The following REELD1 variants were observed in gnomAD, a reference collection of about 807,000 sequenced individuals.
The protein encoded by REELD1 is reeler domain containing 1.
REELD1 carries 12 observed loss-of-function variants against 6.3 expected under a neutral mutation model. The observed-to-expected ratio is 1.89, with a 90% CI of 1.21 to 3.07. The LOEUF is 3.07. Ranked by LOEUF, REELD1 falls within the 30% of genes most tolerant of loss-of-function variation. The probability of loss-of-function intolerance (pLI) is 0.00; values close to 1 mark genes in which losing one functional copy is unlikely to be tolerated. For missense variants in REELD1, 163 were observed against 86.8 expected (o/e 1.88, Z -3.49); for synonymous variants, 57 against 33.6 (o/e 1.70, Z -2.42).
In REELD1 at chr4:146,230,581, A is replaced by T. The variant is rs1271472246; in HGVS notation, c.*68A>T. On this transcript the variant is annotated 3_prime_UTR_variant, in exon 8 of 8. Coordinates refer to ENST00000623665, the MANE Select transcript of REELD1 (RefSeq NM_001354631.1). ...CTGGAGAGTGTCCCAGACAGAGCAGAGATAATGAGAATAACTGATGAAGAC... is the reference window on the plus strand; with the variant it reads ...CTGGAGAGTGTCCCAGACAGAGCAGTGATAATGAGAATAACTGATGAAGAC... 1 of 397,844 alleles carries T rather than the reference A, an allele frequency of 2.5e-6. No homozygotes were observed. The highest frequency in any genetic ancestry group is 4.4e-6 in the Non-Finnish European group (1 of 226,042). The allele number at this position is 397,844 out of a possible 1,614,324, so 24.6% of individuals were successfully genotyped here.
At chr4:146,216,712 A>G (rs1730832470) in intron 2 of REELD1, among the ~76,000 whole-genome samples, 1 of 152,248 alleles carries the variant, frequency 6.6e-6, no homozygotes, top group South Asian at 2.1e-4. Context: ...TCTTATGAGA[A>G]AATTACAAGA....
chr4:146,226,306 C>T (rs959172745), intron 5 of REELD1, among the ~76,000 whole-genome samples: 43 of 152,164 alleles, frequency 2.8e-4, no homozygotes, highest in African/African-American at 9.9e-4. Flanking sequence ...CAGTTCTCTG[C>T]GTCTTTCAAG....
Position 146,224,578 on chromosome 4 carries a change from A to T in REELD1, c.565A>T (p.Arg189Trp). The change falls in exon 5 of 8, where the codon AGG becomes TGG. Residue 189 changes from arginine (R) to tryptophan (W), a missense_variant. Physicochemically the swap from Arg to Trp is moderately radical, Grantham distance 101. Coordinates refer to ENST00000623665, the MANE Select transcript of REELD1 (RefSeq NM_001354631.1). ...ATTGCTGATGCCAAACCTTCACCAG[A>T]GGCTGGGCGATGTTGAAGGAGCTGC... ...PRLLMPNLHQ[R>W]LGDVEGAAPA... 1.4e-6 allele frequency: 1 copy of T among 702,252 alleles called. No homozygotes were observed. Among genetic ancestry groups the T allele is most frequent in the Non-Finnish European group, 2.6e-6 (1 of 384,956 alleles). 43.5% of individuals were successfully genotyped at this position (702,252 alleles called of 1,614,324 possible).
chr4:146,222,118 A>G (rs1244474726), intron 3 of REELD1, among the ~76,000 whole-genome samples: 1 of 152,050 alleles, frequency 6.6e-6, no homozygotes, highest in Non-Finnish European at 1.5e-5. Context: ...GTATTTCTAA[A>G]TCCAATATTT....
chr4:146,219,959 T>C (rs1005578735), intron 3 of REELD1, among the ~76,000 whole-genome samples: 1 of 152,278 alleles, frequency 6.6e-6, no homozygotes, highest in African/African-American at 2.4e-5. Context: ...TGTTTGTTTT[T>C]TTAAGACAGA....
intron 3 of REELD1, 62 bp downstream of exon 3, chr4:146,217,222 G>A (rs891500055): frequency 2.5e-6 from 1 of 398,798 alleles, no homozygotes; most frequent in Non-Finnish European, 4.4e-6. Context: ...GGACCTTCCA[G>A]TTTGTGTTTG....
intron 3 of REELD1, among the ~76,000 whole-genome samples, chr4:146,220,507 G>T (rs1053499104): frequency 6.6e-6 from 1 of 152,052 alleles, no homozygotes; most frequent in Non-Finnish European, 1.5e-5. Flanking sequence ...CACAGTTTCT[G>T]CTTTGGGTGA....
rs1328520536 is a variant in REELD1, at chr4:146,231,054, G to A, written c.*541G>A. On this transcript the variant is annotated 3_prime_UTR_variant, in exon 8 of 8. Coordinates refer to ENST00000623665, the MANE Select transcript of REELD1 (RefSeq NM_001354631.1). ...TTCTGATTTGGATGACTAGGTGAAT[G>A]CAAGGGTATTTGGTCTTCTGGGCAA... is the stretch of plus-strand genomic sequence containing the variant. Among the ~76,000 whole-genome samples the A allele has an allele frequency of 6.6e-6, 1 of 152,240 alleles. No individual in the cohort carries two copies. The highest frequency in any genetic ancestry group is 2.4e-5 in the African/African-American group (1 of 41,466).
intron 3 of REELD1, among the ~76,000 whole-genome samples, chr4:146,221,631 A>T (rs1259167577): frequency 6.6e-6 from 1 of 152,150 alleles, no homozygotes; most frequent in African/African-American, 2.4e-5. Flanking sequence ...GAGGCCGAGG[A>T]GGGCGGATCA....
intron 3 of REELD1, among the ~76,000 whole-genome samples, chr4:146,217,881 A>G (rs1485311734): frequency 6.6e-6 from 1 of 152,236 alleles, no homozygotes; most frequent in Non-Finnish European, 1.5e-5. Flanking sequence ...CACTATGTGT[A>G]AGTATATCAA....
At chr4:146,214,736 G>T (rs967467429) in intron 1 of REELD1, 42 bp downstream of exon 1, 2 of 152,316 alleles carry the variant, frequency 1.3e-5, no homozygotes, top group Admixed American at 1.3e-4. Context: ...TAGAGACAAG[G>T]TCTCCCTGTG....
intron 5 of REELD1, among the ~76,000 whole-genome samples, chr4:146,226,992 C>T (rs536644145): frequency 2.6e-5 from 4 of 152,186 alleles, no homozygotes; most frequent in Admixed American, 6.5e-5. Context: ...AGGCTGGTCT[C>T]GAACTCCTGA....
In REELD1 at chr4:146,230,035, C is replaced by G; in HGVS notation, c.1103C>G (p.Pro368Arg). The change falls in exon 8 of 8, where the codon CCT becomes CGT. Residue 368 changes from proline to arginine, a missense_variant. Physicochemically the swap from Pro to Arg is moderately radical, Grantham distance 103. Transcript: ENST00000623665. ...GNGVRASNPI[P>R]VLQTSGTSGL... ...GGGGTCAGGGCAAGCAACCCAATCCCTGTCCTCCAGACCTCTGGCACTTCT... is the reference window on the plus strand; with the variant it reads ...GGGGTCAGGGCAAGCAACCCAATCCGTGTCCTCCAGACCTCTGGCACTTCT... 2.5e-6 allele frequency: 1 copy of G among 398,762 alleles called. No individual in the cohort carries two copies. Among genetic ancestry groups the G allele is most frequent in the East Asian group, 3.6e-5 (1 of 28,086 alleles). The allele number at this position is 398,762 out of a possible 1,614,324, so 24.7% of individuals were successfully genotyped here.
rs1267583869 is a variant in REELD1, at chr4:146,231,754, G to A, written c.*1241G>A. Reference sequence around the variant, plus strand: ...TCAGTAGCTTTCCAAGGAGAATGAGGCTTTCCTTATACCTCAATTTAACAA... The same window carrying A: ...TCAGTAGCTTTCCAAGGAGAATGAGACTTTCCTTATACCTCAATTTAACAA... On this transcript the variant is annotated 3_prime_UTR_variant, in exon 8 of 8. Coordinates refer to ENST00000623665, the MANE Select transcript of REELD1 (RefSeq NM_001354631.1). 1.3e-5 allele frequency: 2 copies of A among 152,176 alleles called. No individual in the cohort carries two copies. The highest frequency in any genetic ancestry group is 4.8e-5 in the African/African-American group (2 of 41,424). The allele number at this position is 152,176 out of a possible 1,614,324, so 9.4% of individuals were successfully genotyped here.
chr4:146,225,826 C>G (rs1042591825), intron 5 of REELD1, among the ~76,000 whole-genome samples: 1 of 152,142 alleles, frequency 6.6e-6, no homozygotes, highest in African/African-American at 2.4e-5. Context: ...TTGCAGCCTC[C>G]AGCCCAAGCA....
intron 3 of REELD1, among the ~76,000 whole-genome samples, chr4:146,218,138 A>G (rs1040787832): frequency 6.6e-6 from 1 of 152,226 alleles, no homozygotes; most frequent in Non-Finnish European, 1.5e-5. Flanking sequence ...GCTGTGGGCA[A>G]CCGAGGTGCA....
At chr4:146,218,969 C>A (rs1410758762) in intron 3 of REELD1, among the ~76,000 whole-genome samples, 2 of 151,818 alleles carry the variant, frequency 1.3e-5, no homozygotes, top group African/African-American at 4.8e-5. Context: ...GGCAACATGG[C>A]AAAACCCTGT....
chr4:146,222,655 C>T (rs990620467), intron 4 of REELD1, 76 bp downstream of exon 4: 2 of 397,928 alleles, frequency 5.0e-6, no homozygotes, highest in Admixed American at 4.4e-5. Context: ...TTTGCCCTGA[C>T]TTCATATTCC....
chr4:146,223,817 G>A (rs767912858), intron 4 of REELD1, among the ~76,000 whole-genome samples: 29 of 152,186 alleles, frequency 1.9e-4, no homozygotes, highest in Non-Finnish European at 3.2e-4. Flanking sequence ...GGGTGACTTC[G>A]GCCAAATTAA....
Sources: gnomAD v4.1 joint callset for allele counts (sites outside exome capture counted in the v4.1 genomes callset) on GRCh38, gnomAD v4.1.1 for gene constraint, MANE v1.5 for transcripts, NCBI Gene and HGNC (gene_info 2026-07-23, HGNC 2026-07-21) for gene names.